The following TMEM150B variants were observed in gnomAD, a reference collection of about 807,000 sequenced individuals.
TMEM150B encodes the protein modulator of macroautophagy TMEM150B.
In TMEM150B, 33 loss-of-function variants were observed where a neutral mutation model predicts 25.2. The observed-to-expected ratio is 1.31, with a 90% CI of 0.99 to 1.75. The LOEUF (loss-of-function observed/expected upper bound fraction) is 1.75, where lower values mean the gene tolerates loss of function less well. Among genes scored for constraint, TMEM150B ranks in the 40% most tolerant of loss-of-function variants. TMEM150B has a pLI of 0.00. For missense variants in TMEM150B, 322 were observed against 306.1 expected (o/e 1.05, Z -0.39); for synonymous variants, 133 against 134.8 (o/e 0.99, Z 0.09).
chr19:55,323,495 C>T (rs1040809612), intron 1 of TMEM150B, among the ~76,000 whole-genome samples: 1 of 151,814 alleles, frequency 6.6e-6, no homozygotes, highest in Non-Finnish European at 1.5e-5. Flanking sequence ...GTTATGCAAC[C>T]ATCGCCTCTT....
chr19:55,316,714 G>A, intron 7 of TMEM150B, 72 bp downstream of exon 7: 1 of 1,351,116 alleles, frequency 7.4e-7, no homozygotes, highest in South Asian at 1.8e-5. Context: ...CCCAGTGACA[G>A]ACAGCCAGGC....
intron 7 of TMEM150B, among the ~76,000 whole-genome samples, chr19:55,313,281 G>A (rs1425613769): frequency 1.3e-5 from 2 of 151,994 alleles, no homozygotes; most frequent in African/African-American, 2.4e-5. Context: ...GTGCACCCCC[G>A]TTACTATTGC....
chr19:55,309,641 G>C (rs1476371824), downstream of TMEM150B, among the ~76,000 whole-genome samples: 1 of 152,106 alleles, frequency 6.6e-6, no homozygotes, highest in Non-Finnish European at 1.5e-5. Flanking sequence ...CATTCATGAA[G>C]GCCCCACCCT....
intron 6 of TMEM150B, among the ~76,000 whole-genome samples, chr19:55,318,103 G>A (rs1233356701): frequency 6.6e-6 from 1 of 152,192 alleles, no homozygotes; most frequent in African/African-American, 2.4e-5. Context: ...GCTCATGCCT[G>A]TAATCCCAAC....
chr19:55,319,962 T>C, intron 6 of TMEM150B, 77 bp downstream of exon 6: 1 of 1,604,474 alleles, frequency 6.2e-7, no homozygotes, highest in Non-Finnish European at 8.5e-7. Flanking sequence ...ACAATAAGCC[T>C]ATGGCCACGG....
At chr19:55,323,231 A>G (rs1465750619) in intron 1 of TMEM150B, among the ~76,000 whole-genome samples, 1 of 152,146 alleles carries the variant, frequency 6.6e-6, no homozygotes, top group Non-Finnish European at 1.5e-5. Flanking sequence ...CAGGTGTTTG[A>G]GACTAGCCTG....
intron 7 of TMEM150B, among the ~76,000 whole-genome samples, chr19:55,313,269 G>A (rs1001939466): frequency 1.3e-5 from 2 of 152,082 alleles, no homozygotes; most frequent in Admixed American, 1.3e-4. Flanking sequence ...GCTTTCCTTT[G>A]CGTGCACCCC....
chr19:55,312,114 C>G (rs1031400818), downstream of TMEM150B: 1 of 830,044 alleles, frequency 1.2e-6, no homozygotes, highest in Non-Finnish European at 1.8e-6. Flanking sequence ...ACCCCCCTTC[C>G]GTGCCCCCCA....
chr19:55,323,802 CTT>C (rs367630607), intron 1 of TMEM150B, among the ~76,000 whole-genome samples: 3 of 100,878 alleles, frequency 3.0e-5, no homozygotes, highest in African/African-American at 4.1e-5. Context: ...TGCGCCCAAC[CTT>C]TTTTTTTTTT....
chr19:55,320,350 G>A, intron 5 of TMEM150B, 41 bp downstream of exon 5: 2 of 1,509,808 alleles, frequency 1.3e-6, no homozygotes, highest in African/African-American at 1.4e-5. Context: ...TCGCTTGGCT[G>A]GGCTTGGGAG....
chr19:55,313,998 G>A (rs781193500), intron 7 of TMEM150B, among the ~76,000 whole-genome samples: 1 of 152,174 alleles, frequency 6.6e-6, no homozygotes, highest in Non-Finnish European at 1.5e-5. Flanking sequence ...CTAGGAGTTC[G>A]AGACCAGTCT....
chr19:55,314,026 C>T (rs961852181), intron 7 of TMEM150B, among the ~76,000 whole-genome samples: 3 of 152,116 alleles, frequency 2.0e-5, no homozygotes, highest in Non-Finnish European at 4.4e-5. Flanking sequence ...AGAGCGAGAC[C>T]TGGTCTTTTT....
At chr19:55,311,947 C>A, downstream of TMEM150B, 1 of 1,610,620 alleles carries the variant, frequency 6.2e-7, no homozygotes, top group South Asian at 1.1e-5. Flanking sequence ...CCTGCTGGTG[C>A]CCCACCCCGA....
chr19:55,321,964 A>G lies in TMEM150B; in HGVS notation c.-58+684T>C, dbSNP rs866507752. Among the ~76,000 whole-genome samples the G allele has an allele frequency of 1.6e-4, 25 of 152,280 alleles. 1 individual carries two copies. Among genetic ancestry groups the G allele is most frequent in the African/African-American group, 5.8e-4 (24 of 41,556 alleles). On this transcript the variant is annotated intron_variant, in intron 2 of 7. Coordinates refer to ENST00000326652, the MANE Select transcript of TMEM150B (RefSeq NM_001282011.2). ...CTGCTGGAGTTCCCCAGGCAGGCTG[A>G]GCATGGGTGGGAAGGGAGCTTTCAG...
chr19:55,310,994 T>G (rs745857696), downstream of TMEM150B, among the ~76,000 whole-genome samples: 3 of 152,098 alleles, frequency 2.0e-5, no homozygotes, highest in Non-Finnish European at 2.9e-5. This position sits in a 1 kb window ranked among gnomAD's most constrained non-coding sequence, Gnocchi z 5.0. Context: ...AGAATCTCCC[T>G]CTGTCGCTCA....
At chr19:55,324,832 C>G (rs771367578) in intron 1 of TMEM150B, 28 of 985,380 alleles carry the variant, frequency 2.8e-5, no homozygotes, top group Non-Finnish European at 3.4e-5. Context: ...AGACATGAAT[C>G]TGAGCCACCC....
intron 7 of TMEM150B, 72 bp from the exon 8 acceptor site, chr19:55,313,127 G>C: frequency 6.8e-7 from 1 of 1,470,392 alleles, no homozygotes; most frequent in Non-Finnish European, 9.1e-7. Context: ...GTGCCGCCTC[G>C]CGCTGGGCGG....
At position 55,317,455 on chromosome 19, in the gene TMEM150B, G is replaced by C. The variant is rs562852520; in HGVS notation, c.325-489C>G. Among the ~76,000 whole-genome samples, 4 of 152,190 alleles carry C rather than the reference G, an allele frequency of 2.6e-5. No homozygotes were observed. The South Asian group carries it at 8.3e-4, about 32-fold the overall frequency. ...GAGCTCAGGAGTTCAAGACCCACCTGAGCAACATGGCAAAACCTCGTCTCT... is the reference window on the plus strand; with the variant it reads ...GAGCTCAGGAGTTCAAGACCCACCTCAGCAACATGGCAAAACCTCGTCTCT... On this transcript the variant is annotated intron_variant, in intron 6 of 7. Coordinates refer to ENST00000326652, the MANE Select transcript of TMEM150B (RefSeq NM_001282011.2).
chr19:55,321,170 G>A (rs904352242), intron 2 of TMEM150B, 77 bp from the exon 3 acceptor site: 22 of 1,455,742 alleles, frequency 1.5e-5, no homozygotes, highest in Non-Finnish European at 1.9e-5. Context: ...TTGGCTCTCA[G>A]GCAGAAGTCA....
Sources: gnomAD v4.1 joint callset for allele counts (sites outside exome capture counted in the v4.1 genomes callset) on GRCh38, gnomAD v4.1.1 for gene constraint, Gnocchi (gnomAD v3.1) non-coding constraint, MANE v1.5 for transcripts, NCBI Gene and HGNC (gene_info 2026-07-23, HGNC 2026-07-21) for gene names.